The following MDN1 variants were observed in gnomAD, a reference collection of about 807,000 sequenced individuals.
MDN1 encodes midasin.
A neutral mutation model predicts 669.2 loss-of-function variants in MDN1; 266 were observed. The ratio of observed to expected loss-of-function variants is 0.40; its 90% CI spans 0.36 to 0.44. MDN1 has a LOEUF of 0.44. Ranked by LOEUF, MDN1 falls within the 20% of genes least tolerant of loss-of-function variation. The pLI, the probability that MDN1 is intolerant of heterozygous loss-of-function variation, is 1.00. For missense variants in MDN1, 5,940 were observed against 6,754.0 expected (o/e 0.88, Z 4.22); for synonymous variants, 2,385 against 2,457.1 (o/e 0.97, Z 0.87).
In MDN1 at chr6:89,692,797, C is replaced by G; in HGVS notation, c.10233G>C (p.Met3411Ile). ...TGTGGAGCTCAGAGGCCACCAGCCT[C>G]ATGCCATGTTGTAACTGCAATATGG... ...QASILQLQHG[M>I]RLVASELHTS... Residue 3411 changes from methionine to isoleucine, a missense_variant, in exon 63 of 102, where the codon ATG (methionine) becomes ATC (isoleucine). Met to Ile is a conservative substitution (Grantham distance 10, BLOSUM62 1). Around this residue, in one of 5 missense-constraint regions of MDN1, gnomAD observed 150 missense variants for 234.2 expected, o/e 0.64. Coordinates refer to ENST00000369393, the MANE Select transcript of MDN1 (RefSeq NM_014611.3). 5.6e-6 allele frequency: 9 copies of G among 1,614,166 alleles called. No homozygotes were observed. The highest frequency in any genetic ancestry group is 1.3e-5 in the African/African-American group (1 of 75,040).
At chr6:89,730,474 C>A (rs746949377) in intron 35 of MDN1, among the ~76,000 whole-genome samples, 1 of 152,042 alleles carries the variant, frequency 6.6e-6, no homozygotes, top group Non-Finnish European at 1.5e-5. Flanking sequence ...AATGTGGGAA[C>A]CAACTAATAA....
chr6:89,816,767 C>A (rs184107133), intron 1 of MDN1, among the ~76,000 whole-genome samples: 1 of 151,102 alleles, frequency 6.6e-6, no homozygotes, highest in Admixed American at 6.6e-5. Context: ...TTCCACCTCC[C>A]GGGTTCACGC....
At chr6:89,666,315 T>G (rs373512217) in intron 84 of MDN1, among the ~76,000 whole-genome samples, 39 of 152,282 alleles carry the variant, frequency 2.6e-4, no homozygotes, top group African/African-American at 7.5e-4. Flanking sequence ...GTCCAGGCTG[T>G]AGTGCAATGG....
rs184255417 is a variant in MDN1, at chr6:89,642,936, C to G, written c.*1069G>C. Reference sequence around the variant, plus strand: ...ACCACCTCAAAAGGGTCGCAGACTTCACAGTGTAACTTGGAAACAGACAAG... The same window carrying G: ...ACCACCTCAAAAGGGTCGCAGACTTGACAGTGTAACTTGGAAACAGACAAG... On this transcript the variant is annotated 3_prime_UTR_variant, in exon 102 of 102. Transcript: ENST00000369393. 6.6e-6 allele frequency: 1 copy of G among 152,228 alleles called. No individual in the cohort carries two copies. The highest frequency in any genetic ancestry group is 2.4e-5 in the African/African-American group (1 of 41,456). The allele number at this position is 152,228 out of a possible 1,614,324, so 9.4% of individuals were successfully genotyped here.
intron 33 of MDN1, 107 bp from the exon 34 acceptor site, chr6:89,732,882 T>C (rs1035246760): frequency 2.3e-6 from 2 of 878,838 alleles, no homozygotes; most frequent in Non-Finnish European, 3.5e-6. Context: ...CTGCTCCTTC[T>C]AAGCAAAGTT....
At chr6:89,747,246 A>T (rs1404520283) in intron 27 of MDN1, 83 bp downstream of exon 27, 2 of 1,494,198 alleles carry the variant, frequency 1.3e-6, no homozygotes, top group Non-Finnish European at 1.8e-6. Context: ...TGTATCAATC[A>T]CAATTTGAGG....
chr6:89,684,034 G>A, intron 71 of MDN1, 130 bp from the exon 72 acceptor site: 1 of 697,616 alleles, frequency 1.4e-6, no homozygotes, highest in Non-Finnish European at 2.4e-6. Flanking sequence ...CAGTGAACAA[G>A]TAAAACAAGT....
chr6:89,688,616 C>G lies in MDN1; in HGVS notation c.11216G>C (p.Ser3739Thr), dbSNP rs1812178494. 2 of 1,614,206 alleles carry G rather than the reference C, an allele frequency of 1.2e-6. No homozygotes were observed. The highest frequency in any genetic ancestry group is 4.5e-5 in the East Asian group (2 of 44,896). Residue 3739 changes from serine (S) to threonine (T), a missense_variant, in exon 66 of 102, where the codon AGT becomes ACT. By Grantham distance (58) the Ser-to-Thr change is moderately conservative (BLOSUM62 1). Transcript: ENST00000369393. ...TTCTGGCCAGTCCTGTAGCAAGTGA[C>G]TGACAGCCTCTGAGAAACCTTGAAG... The part of the protein sequence containing the change: ...PVLQGFSEAV[S>T]HLLQDWPEHP...
intron 99 of MDN1, 110 bp from the exon 100 acceptor site, chr6:89,646,713 C>G: frequency 1.1e-6 from 1 of 883,512 alleles, no homozygotes; most frequent in East Asian, 2.6e-5. Context: ...ATAACCACCT[C>G]AGGTTTACAG....
chr6:89,658,563 C>G, intron 89 of MDN1, 47 bp downstream of exon 89: 1 of 1,567,456 alleles, frequency 6.4e-7, no homozygotes, highest in Non-Finnish European at 8.7e-7. Context: ...GTGACTTCTC[C>G]TCTTCCTCAT....
intron 50 of MDN1, among the ~76,000 whole-genome samples, chr6:89,709,991 C>T (rs1361978046): frequency 1.3e-5 from 2 of 152,140 alleles, no homozygotes; most frequent in Non-Finnish European, 2.9e-5. Flanking sequence ...GCCTCAAACT[C>T]CTGGACTTAC....
chr6:89,695,944 T>C lies in MDN1; in HGVS notation c.9432A>G (p.Ala3144=). The change falls in exon 61 of 102, where the codon GCA becomes GCG. Residue 3144 remains alanine, a synonymous_variant. Coordinates refer to ENST00000369393, the MANE Select transcript of MDN1 (RefSeq NM_014611.3). The surrounding 1 kb of genome is among the most constrained non-coding windows in gnomAD (Gnocchi z 4.1). ...LQGQVLFRHL[A]GLAELLPESR... is the part of the protein sequence containing the mutation. ...ACTCTGGGAGCAGCTCTGCTAGGCC[T>C]GCCAGGTGCCGGAACAGCACCTGCC... The C allele has an allele frequency of 6.2e-7, 1 of 1,611,964 alleles. No homozygotes were observed. The highest frequency in any genetic ancestry group is 8.5e-7 in the Non-Finnish European group (1 of 1,179,628).
chr6:89,649,928 C>T, intron 97 of MDN1, 96 bp downstream of exon 97: 3 of 1,253,166 alleles, frequency 2.4e-6, no homozygotes, highest in Non-Finnish European at 3.5e-6. Context: ...ATATTTAAAG[C>T]ATTAGCCATA....
intron 15 of MDN1, among the ~76,000 whole-genome samples, chr6:89,764,477 C>G (rs1200250249): frequency 1.3e-5 from 2 of 152,108 alleles, no homozygotes; most frequent in African/African-American, 4.8e-5. Context: ...TGCCAGTGTG[C>G]CCCTGTAGTC....
chr6:89,782,447 G>A (rs1446183209), intron 9 of MDN1, among the ~76,000 whole-genome samples: 1 of 151,776 alleles, frequency 6.6e-6, no homozygotes, highest in Non-Finnish European at 1.5e-5. Context: ...CATTTGCTGG[G>A]CAGGGTGGCA....
intron 63 of MDN1, among the ~76,000 whole-genome samples, chr6:89,692,011 T>C (rs927981830): frequency 7.9e-5 from 12 of 152,208 alleles, no homozygotes; most frequent in African/African-American, 2.9e-4. Context: ...AAGCCTGGAA[T>C]GGGATACCTG....
At chr6:89,772,356 A>G (rs148955349) in intron 14 of MDN1, among the ~76,000 whole-genome samples, 96 of 152,342 alleles carry the variant, frequency 6.3e-4, no homozygotes, top group African/African-American at 2.0e-3. Flanking sequence ...TTGAAATAAA[A>G]CAAAATCTAT....
intron 1 of MDN1, among the ~76,000 whole-genome samples, chr6:89,809,784 T>TAAATGAAATA: frequency 8.9e-6 from 1 of 112,598 alleles, no homozygotes; most frequent in South Asian, 3.1e-4. Flanking sequence ...TCAAAATAAA[T>TAAATGAAATA]AAATAAAATA....
rs754286280 is a variant in MDN1, at chr6:89,692,833, T to G, written c.10197A>C (p.Pro3399=). The change falls in exon 63 of 102, where the codon CCA becomes CCC. Residue 3399 remains proline (P), a synonymous_variant. Transcript: ENST00000369393. ...EYTFYPDAVS[P]LQASILQLQH... is the part of the protein sequence containing the mutation. ...GTAACTGCAATATGGATGCCTGCAGTGGGCTCACGGCATCTGGATAGAAGG... is the reference window on the plus strand; with the variant it reads ...GTAACTGCAATATGGATGCCTGCAGGGGGCTCACGGCATCTGGATAGAAGG... The G allele has an allele frequency of 1.2e-6, 2 of 1,614,088 alleles. No individual in the cohort carries two copies. The highest frequency in any genetic ancestry group is 4.5e-5 in the East Asian group (2 of 44,894).
Sources: allele counts gnomAD v4.1 joint callset (sites outside exome capture counted in the v4.1 genomes callset), GRCh38; gene constraint gnomAD v4.1.1; regional missense constraint gnomAD v4.1.1; non-coding constraint Gnocchi (gnomAD v3.1); transcripts MANE v1.5; gene names NCBI Gene and HGNC (gene_info 2026-07-23, HGNC 2026-07-21).